Variants in MACF1 observed in about 807,000 individuals in gnomAD.
MACF1 encodes the protein microtubule actin crosslinking factor 1.
Under a neutral mutation model 854.8 loss-of-function variants are expected in MACF1, and 193 were observed. The ratio of observed to expected loss-of-function variants is 0.23; its 90% CI spans 0.20 to 0.25. MACF1 has a LOEUF of 0.25. Ranked by LOEUF, MACF1 falls within the 10% of genes least tolerant of loss-of-function variation. The pLI is 1.00. For synonymous variants in MACF1, 3,185 were observed against 3,226.7 expected, an observed-to-expected ratio of 0.99 and a Z score of 0.44; for missense variants, 7,722 against 8,929.1, an observed-to-expected ratio of 0.86 and a Z score of 5.45.
chr1:39,332,886 A>G lies in MACF1; in HGVS notation c.6298A>G (p.Lys2100Glu). 6.2e-7 allele frequency: 1 copy of G among 1,614,168 alleles called. No individual in the cohort carries two copies. The highest frequency in any genetic ancestry group is 8.5e-7 in the Non-Finnish European group (1 of 1,180,026). The change falls in exon 37 of 101, where the codon AAA becomes GAA. Residue 2100 changes from lysine (K) to glutamate (E), a missense_variant. Physicochemically the swap from Lys to Glu is moderately conservative, Grantham distance 56. Coordinates refer to ENST00000564288, the MANE Select transcript of MACF1 (RefSeq NM_001394062.1). ...PNIDALKVIN[K>E]VKLEVQRQLI... is the part of the protein sequence containing the mutation. ...CATTGATGCTTTGAAGGTAATAAAT[A>G]AAGTCAAATTAGAGGTACAAAGGCA...
At position 39,292,028 on chromosome 1, in the gene MACF1, G is replaced by A; in HGVS notation, c.1904G>A (p.Arg635Lys). The change falls in exon 16 of 101, where the codon AGG (arginine) becomes AAG (lysine). Residue 635 changes from arginine to lysine, a missense_variant. By Grantham distance (26) the Arg-to-Lys change is conservative. Coordinates refer to ENST00000564288, the MANE Select transcript of MACF1 (RefSeq NM_001394062.1). Reference sequence around the variant, plus strand: ...CTGGGCTCAAGTGTCAAGGAGGCCAGGTTGTATGAGGTGCGTAGCCTTCAG... The same window carrying A: ...CTGGGCTCAAGTGTCAAGGAGGCCAAGTTGTATGAGGTGCGTAGCCTTCAG... ...EELGSSVKEA[R>K]LYEGKMSQNF... 6.2e-7 allele frequency: 1 copy of A among 1,613,886 alleles called. No individual in the cohort carries two copies. The highest frequency in any genetic ancestry group is 2.2e-5 in the East Asian group (1 of 44,878).
In MACF1 at chr1:39,120,067, A is replaced by G. The variant is rs1193536561; in HGVS notation, c.220+35629A>G. 4.6e-5 allele frequency among the ~76,000 whole-genome samples: 7 copies of G among 151,906 alleles called. No homozygotes were observed. In the East Asian group the frequency reaches 9.7e-4, roughly 21 times the overall value. The stretch of plus-strand genomic sequence containing the variant: ...CTTGGCTAATTTTGTATTTTTTAGT[A>G]GAGACGGGGTTTCTCCATATTGATG... On this transcript the variant is annotated intron_variant, in intron 2 of 93. Transcript: ENST00000361689.
intron 58 of MACF1, among the ~76,000 whole-genome samples, chr1:39,401,379 C>T (rs529058184): frequency 1.3e-5 from 2 of 152,232 alleles, no homozygotes; most frequent in Admixed American, 1.3e-4. Context: ...CCTCTGTTAC[C>T]GTACAATGGC....
chr1:39,089,224 GA>G (rs1641746755), intron 2 of MACF1, among the ~76,000 whole-genome samples: 1 of 151,988 alleles, frequency 6.6e-6, no homozygotes, highest in African/African-American at 2.4e-5. Context: ...AGTTAGAAGG[GA>G]AAAAATAATT....
Position 39,334,504 on chromosome 1 carries a change from A to G in MACF1, c.7916A>G (p.Asp2639Gly). The part of the protein sequence containing the change: ...YSELVKKCKI[D>G]IESGQRYLEV... ...GAATTAGTCAAGAAATGTAAGATTG[A>G]TATTGAATCTGGACAGAGATATCTA... Residue 2639 changes from aspartate (D) to glycine (G), a missense_variant, in exon 37 of 101, where the codon GAT becomes GGT. Around this residue, in one of 15 missense-constraint regions of MACF1, gnomAD observed 1,531 missense variants for 1,601.6 expected, o/e 0.96. Coordinates refer to ENST00000564288, the MANE Select transcript of MACF1 (RefSeq NM_001394062.1). 1 of 1,614,170 alleles carries G rather than the reference A, an allele frequency of 6.2e-7. No homozygotes were observed. The highest frequency in any genetic ancestry group is 1.1e-5 in the South Asian group (1 of 91,074).
At chr1:39,380,848 G>T (rs970551610) in intron 55 of MACF1, among the ~76,000 whole-genome samples, 10 of 152,106 alleles carry the variant, frequency 6.6e-5, no homozygotes, top group African/African-American at 2.4e-4. Context: ...GGAGTTCAAG[G>T]CTGCAGTGAG....
chr1:39,475,276 A>T (rs1210745377), intron 97 of MACF1, among the ~76,000 whole-genome samples: 2 of 152,110 alleles, frequency 1.3e-5, no homozygotes, highest in Admixed American at 1.3e-4. Flanking sequence ...TGAGCTGTTG[A>T]CAACAGATTT....
intron 2 of MACF1, among the ~76,000 whole-genome samples, chr1:39,192,783 A>G (rs1414646434): frequency 1.3e-5 from 2 of 152,216 alleles, no homozygotes; most frequent in African/African-American, 4.8e-5. Context: ...ATTCAGTACT[A>G]TGTTTTTTAA....
chr1:39,186,815 C>A (rs1644179980), intron 2 of MACF1, among the ~76,000 whole-genome samples: 1 of 151,706 alleles, frequency 6.6e-6, no homozygotes, highest in African/African-American at 2.4e-5. Flanking sequence ...TTGTTTTGTT[C>A]TCCAGGCTAG....
At position 39,376,835 on chromosome 1, in the gene MACF1, G is replaced by T. The variant is rs930669539; in HGVS notation, c.13214-1626G>T. ...GGCCCACGCAATCAGCCCACCTCAA[G>T]CTCCTGAGTAGCTAGGACCACAAAT... On this transcript the variant is annotated intron_variant, in intron 52 of 100. Transcript: ENST00000564288. Among the ~76,000 whole-genome samples the T allele has an allele frequency of 5.9e-5, 9 of 151,686 alleles. No homozygotes were observed. The South Asian group carries it at 6.2e-4, about 11-fold the overall frequency.
In MACF1 at chr1:39,353,227, T is replaced by A. The variant is rs1172315706; in HGVS notation, c.11420T>A (p.Met3807Lys). 3 of 1,602,544 alleles carry A rather than the reference T, an allele frequency of 1.9e-6. No individual in the cohort carries two copies. The South Asian group carries it at 3.3e-5, about 18-fold the overall frequency. ...PEKLDKQCEM[M>K]KARHQELLSQ... ...AAACTGGACAAGCAATGTGAGATGATGAAGGTAAGGGTGTTAGCTTATCCT... is the reference window on the plus strand; with the variant it reads ...AAACTGGACAAGCAATGTGAGATGAAGAAGGTAAGGGTGTTAGCTTATCCT... The change falls in exon 44 of 101, where the codon ATG becomes AAG. Residue 3807 changes from methionine to lysine, a missense_variant. Physicochemically the swap from Met to Lys is moderately conservative, Grantham distance 95. Around this residue, in one of 15 missense-constraint regions of MACF1, gnomAD observed 2,807 missense variants for 3,235.8 expected, o/e 0.87. Transcript: ENST00000564288.
intron 2 of MACF1, among the ~76,000 whole-genome samples, chr1:39,142,829 C>T (rs1571094044): frequency 6.6e-6 from 1 of 152,300 alleles, no homozygotes; most frequent in East Asian, 1.9e-4. Context: ...CCTGGAGCAC[C>T]TGGAGCACTC....
intron 70 of MACF1, among the ~76,000 whole-genome samples, chr1:39,436,890 A>G (rs989662250): frequency 6.6e-6 from 1 of 152,244 alleles, no homozygotes; most frequent in Non-Finnish European, 1.5e-5. Context: ...CTTCAAGAAT[A>G]AGGTTAGATT....
chr1:39,351,100 A>C, intron 43 of MACF1, 82 bp downstream of exon 43: 21 of 950,028 alleles, frequency 2.2e-5, no homozygotes, highest in Non-Finnish European at 3.2e-5. Flanking sequence ...TGAGGGGAAA[A>C]CAGGCTTATA....
intron 61 of MACF1, among the ~76,000 whole-genome samples, chr1:39,426,723 G>A (rs986116920): frequency 6.6e-6 from 1 of 152,076 alleles, no homozygotes; most frequent in Admixed American, 6.6e-5. Context: ...TTAAATAAGA[G>A]TTAAGATTCC....
chr1:39,145,440 T>C (rs1643441282), intron 2 of MACF1, among the ~76,000 whole-genome samples: 1 of 152,208 alleles, frequency 6.6e-6, no homozygotes, highest in Non-Finnish European at 1.5e-5. Context: ...AGTGACTCTT[T>C]GTAAAGATAT....
At chr1:39,174,639 C>T (rs1644001023) in intron 2 of MACF1, among the ~76,000 whole-genome samples, 1 of 152,146 alleles carries the variant, frequency 6.6e-6, no homozygotes, top group East Asian at 1.9e-4. Flanking sequence ...TCAATTTCAT[C>T]ATGAAGAACT....
chr1:39,125,029 C>T (rs1000008491), intron 2 of MACF1, among the ~76,000 whole-genome samples: 4 of 152,144 alleles, frequency 2.6e-5, no homozygotes, highest in Non-Finnish European at 5.9e-5. Flanking sequence ...TTATTTGTGA[C>T]CTTGGTCAAG....
chr1:39,377,084 C>T (rs148187734), intron 52 of MACF1, among the ~76,000 whole-genome samples: 136 of 152,184 alleles, frequency 8.9e-4, no homozygotes, highest in African/African-American at 3.0e-3. Flanking sequence ...CATCTTGGCT[C>T]ACTGCAACCT....
Sources: allele counts gnomAD v4.1 joint callset (sites outside exome capture counted in the v4.1 genomes callset), GRCh38; gene constraint gnomAD v4.1.1; regional missense constraint gnomAD v4.1.1; transcripts MANE v1.5; gene names NCBI Gene and HGNC (gene_info 2026-07-23, HGNC 2026-07-21).